The following KCNH3 variants were observed in gnomAD, a reference collection of about 807,000 sequenced individuals.
KCNH3 encodes the protein potassium voltage-gated channel subfamily H member 3.
In KCNH3, 36 loss-of-function variants were observed where a neutral mutation model predicts 95.6. The observed-to-expected ratio is 0.38, with a 90% CI of 0.29 to 0.50. KCNH3 has a LOEUF of 0.50. Among genes scored for constraint, KCNH3 ranks in the 20% least tolerant of loss-of-function variants. KCNH3 has a pLI of 0.95. For synonymous variants in KCNH3, 620 were observed against 646.3 expected (o/e 0.96, Z 0.62); for missense variants, 1,030 against 1,484.1 (o/e 0.69, Z 5.03).
At chr12:49,545,979 C>T (rs910626155) in intron 7 of KCNH3, among the ~76,000 whole-genome samples, 1 of 152,010 alleles carries the variant, frequency 6.6e-6, no homozygotes, top group African/African-American at 2.4e-5. Flanking sequence ...TGGGGTCAGA[C>T]GGCCACAAGA....
intron 7 of KCNH3, among the ~76,000 whole-genome samples, chr12:49,546,763 G>A (rs758924366): frequency 6.6e-6 from 1 of 152,206 alleles, no homozygotes; most frequent in Non-Finnish European, 1.5e-5. Flanking sequence ...TGAAAGATCA[G>A]AGGCCTCCCT....
rs1163615445 is a variant in KCNH3, at chr12:49,539,640, T to A, written c.76+148T>A. 5.9e-6 allele frequency: 4 copies of A among 682,148 alleles called. No homozygotes were observed. The highest frequency in any genetic ancestry group is 9.6e-6 in the Non-Finnish European group (4 of 418,836). 42.3% of individuals were successfully genotyped at this position (682,148 alleles called of 1,614,324 possible). ...GCCCCTCTTGAGGCTGGGGCCATCGTCTCCTGCTAGGCGCTGTTTCCCCGA... is the reference window on the plus strand; with the variant it reads ...GCCCCTCTTGAGGCTGGGGCCATCGACTCCTGCTAGGCGCTGTTTCCCCGA... On this transcript the variant is annotated intron_variant, in intron 1 of 14. Transcript: ENST00000257981. The surrounding 1 kb of genome is among the most constrained non-coding windows in gnomAD (Gnocchi z 6.7).
Position 49,555,736 on chromosome 12 carries a change from C to T in KCNH3, c.2253C>T (p.Ser751=), listed in dbSNP as rs1350401785. ...VSPAPADEPS[S]PLLSPGCTSS... is the part of the protein sequence containing the mutation. Reference sequence around the variant, plus strand: ...CAGCCCCAGCTGATGAGCCCTCCAGCCCCCTGCTGTCCCCTGGCTGCACCT... The same window carrying T: ...CAGCCCCAGCTGATGAGCCCTCCAGTCCCCTGCTGTCCCCTGGCTGCACCT... The change falls in exon 12 of 15, where the codon AGC becomes AGT. Residue 751 remains serine, a synonymous_variant. Coordinates refer to ENST00000257981, the MANE Select transcript of KCNH3 (RefSeq NM_012284.3). The T allele has an allele frequency of 6.2e-7, 1 of 1,613,170 alleles. No individual in the cohort carries two copies. Among genetic ancestry groups the T allele is most frequent in the Admixed American group, 1.7e-5 (1 of 59,960 alleles).
Position 49,554,317 on chromosome 12 carries a change from CCT to C in KCNH3, c.1919-17_1919-16del, listed in dbSNP as rs1592510166. On this transcript the variant is annotated intron_variant, in intron 10 of 14. Transcript: ENST00000257981. Reference sequence around the variant, plus strand: ...GGCTGAAGCTCTCAGGGCTTGCTGACCTCTACTTCCTCTCCCCAGGGAAGGGC... The same window carrying C: ...GGCTGAAGCTCTCAGGGCTTGCTGACCTACTTCCTCTCCCCAGGGAAGGGC... 1.2e-6 allele frequency: 2 copies of C among 1,605,252 alleles called. No homozygotes were observed. Among genetic ancestry groups the C allele is most frequent in the East Asian group, 4.5e-5 (2 of 44,832 alleles).
chr12:49,543,517 T>G lies in KCNH3; in HGVS notation c.822T>G (p.Leu274=). Residue 274 remains leucine (L), a splice_region_variant and synonymous_variant, in exon 5 of 15, where the codon CTT becomes CTG. Transcript: ENST00000257981. ...TGGCCGTGGAGGTCCTCTTCATCCT[T>G]GGTGCGTGCACTCTGCCCCTTCCGC... ...CDLAVEVLFI[L]DIVLNFRTTF... The G allele has an allele frequency of 6.3e-7, 1 of 1,595,720 alleles. No homozygotes were observed. The highest frequency in any genetic ancestry group is 8.5e-7 in the Non-Finnish European group (1 of 1,176,834).
chr12:49,543,289 G>A lies in KCNH3; in HGVS notation c.594G>A (p.Glu198=). 1 of 1,613,584 alleles carries A rather than the reference G, an allele frequency of 6.2e-7. No individual in the cohort carries two copies. The highest frequency in any genetic ancestry group is 8.5e-7 in the Non-Finnish European group (1 of 1,180,040). The change falls in exon 5 of 15, where the codon GAG becomes GAA. Residue 198 remains glutamate, a synonymous_variant. Coordinates refer to ENST00000257981, the MANE Select transcript of KCNH3 (RefSeq NM_012284.3). ...KHKLNKGVFG[E]KPNLPEYKVA... ...GCCTCACTCAGGGGGTGTTTGGGGA[G>A]AAACCAAACTTGCCTGAGTACAAAG...
intron 6 of KCNH3, 23 bp from the exon 7 acceptor site, chr12:49,544,149 TCCC>T: frequency 1.9e-6 from 1 of 516,948 alleles, no homozygotes; most frequent in Non-Finnish European, 3.5e-6. Context: ...CCTCCCTCCC[TCCC>T]TCCCTCCCTC....
intron 12 of KCNH3, 98 bp downstream of exon 12, chr12:49,556,049 A>C: frequency 1.5e-6 from 1 of 649,712 alleles, no homozygotes; most frequent in Non-Finnish European, 2.7e-6. Flanking sequence ...AACCATCTTA[A>C]CTCCCGCTAG....
intron 10 of KCNH3, 32 bp downstream of exon 10, chr12:49,550,361 C>T (rs766410904): frequency 6.3e-7 from 1 of 1,575,740 alleles, no homozygotes; most frequent in South Asian, 1.1e-5. Flanking sequence ...GGCGTGGGGG[C>T]ACGTGTGTGT....
rs1282036681 is a variant in KCNH3, at chr12:49,554,549, G to A, written c.2131G>A (p.Ala711Thr). Reference protein sequence around the residue: ...SYNLGAGGGSAEVDTSSLSGD... With the variant: ...SYNLGAGGGSTEVDTSSLSGD... Reference sequence around the variant, plus strand: ...CAACCTGGGTGCTGGGGGAGGCTCTGCAGAGGTGAGTGTGCTGAGTATGTG... The same window carrying A: ...CAACCTGGGTGCTGGGGGAGGCTCTACAGAGGTGAGTGTGCTGAGTATGTG... Residue 711 changes from alanine to threonine, a missense_variant, in exon 11 of 15, where the codon GCA becomes ACA. Physicochemically the swap from Ala to Thr is moderately conservative, Grantham distance 58. Coordinates refer to ENST00000257981, the MANE Select transcript of KCNH3 (RefSeq NM_012284.3). 1 of 1,611,850 alleles carries A rather than the reference G, an allele frequency of 6.2e-7. No individual in the cohort carries two copies. The highest frequency in any genetic ancestry group is 1.3e-5 in the African/African-American group (1 of 75,052).
chr12:49,542,772 G>A lies in KCNH3; in HGVS notation c.512G>A (p.Arg171Gln), dbSNP rs781554788. 4.4e-6 allele frequency: 7 copies of A among 1,595,536 alleles called. No homozygotes were observed. Among genetic ancestry groups the A allele is most frequent in the South Asian group, 2.3e-5 (2 of 87,704 alleles). ...KGFNANRRRSRAVLYHLSGHL... is the reference protein window; with the variant it reads ...KGFNANRRRSQAVLYHLSGHL... ...TTCAATGCCAACCGGCGGCGGAGCCGGGCCGTGCTCTACCACCTGTCCGGG... is the reference window on the plus strand; with the variant it reads ...TTCAATGCCAACCGGCGGCGGAGCCAGGCCGTGCTCTACCACCTGTCCGGG... The change falls in exon 4 of 15, where the codon CGG becomes CAG. Residue 171 changes from arginine to glutamine, a missense_variant. Physicochemically the swap from Arg to Gln is conservative, Grantham distance 43. Coordinates refer to ENST00000257981, the MANE Select transcript of KCNH3 (RefSeq NM_012284.3).
intron 3 of KCNH3, 65 bp downstream of exon 3, chr12:49,541,829 C>T (rs915825707): frequency 5.1e-6 from 8 of 1,581,728 alleles, no homozygotes; most frequent in Non-Finnish European, 4.3e-6. Context: ...GGCCTTGGCA[C>T]CCAGTCTGAG....
At chr12:49,543,123 A>G in intron 4 of KCNH3, 152 bp from the exon 5 acceptor site, 1 of 904,530 alleles carries the variant, frequency 1.1e-6, no homozygotes, top group Non-Finnish European at 1.7e-6. Context: ...TTTCTGATCT[A>G]TAAAATGGAG....
intron 7 of KCNH3, among the ~76,000 whole-genome samples, chr12:49,547,761 C>T (rs1338971534): frequency 1.3e-5 from 2 of 152,054 alleles, no homozygotes; most frequent in East Asian, 3.9e-4. Context: ...AGGAGCAGGG[C>T]ACAAGTGGAG....
In KCNH3 at chr12:49,550,065, C is replaced by T. The variant is rs2138154945; in HGVS notation, c.1669-15C>T. 6.4e-7 allele frequency: 1 copy of T among 1,562,766 alleles called. No homozygotes were observed. Among genetic ancestry groups the T allele is most frequent in the Non-Finnish European group, 8.7e-7 (1 of 1,152,626 alleles). ...CACTCCCAACCCCCCCACCCCCGCA[C>T]CTGCTCACCTGCAGCTGCTGCAGAG... On this transcript the variant is annotated splice_polypyrimidine_tract_variant and intron_variant, in intron 9 of 14. Coordinates refer to ENST00000257981, the MANE Select transcript of KCNH3 (RefSeq NM_012284.3).
At chr12:49,548,140 G>A (rs976437711) in intron 7 of KCNH3, among the ~76,000 whole-genome samples, 5 of 151,970 alleles carry the variant, frequency 3.3e-5, no homozygotes, top group East Asian at 1.9e-4. Flanking sequence ...GTGTGCGCGC[G>A]CACCTGTGTG....
intron 10 of KCNH3, 106 bp from the exon 11 acceptor site, chr12:49,554,231 G>A (rs1938355063): frequency 1.1e-6 from 1 of 878,448 alleles, no homozygotes; most frequent in Admixed American, 1.8e-5. Flanking sequence ...TTCAGCTACA[G>A]AGGCCCAGCC....
Position 49,555,637 on chromosome 12 carries a change from G to A in KCNH3, c.2154G>A (p.Leu718=), listed in dbSNP as rs754447512. 5 of 1,550,250 alleles carry A rather than the reference G, an allele frequency of 3.2e-6. No homozygotes were observed. Among genetic ancestry groups the A allele is most frequent in the Non-Finnish European group, 3.5e-6 (4 of 1,143,620 alleles). Residue 718 remains leucine (L), a synonymous_variant, in exon 12 of 15, where the codon CTG becomes CTA. Transcript: ENST00000257981. ...GGSAEVDTSS[L]SGDNTLMSTL... is the part of the protein sequence containing the mutation. The stretch of plus-strand genomic sequence containing the variant: ...ATCCCTAGGTGGACACCAGCTCCCT[G>A]AGCGGCGACAATACCCTTATGTCCA...
intron 11 of KCNH3, 30 bp from the exon 12 acceptor site, chr12:49,555,590 T>G: frequency 7.0e-7 from 1 of 1,428,544 alleles, no homozygotes; most frequent in Non-Finnish European, 9.5e-7. Context: ...TGACCATCCA[T>G]GCCGATTCCC....
Sources: gnomAD v4.1 joint callset for allele counts (sites outside exome capture counted in the v4.1 genomes callset) on GRCh38, gnomAD v4.1.1 for gene constraint, Gnocchi (gnomAD v3.1) non-coding constraint, MANE v1.5 for transcripts, NCBI Gene and HGNC (gene_info 2026-07-23, HGNC 2026-07-21) for gene names.